Variants in DSCAM observed in about 807,000 individuals in gnomAD.
DSCAM encodes the protein cell adhesion molecule DSCAM.
DSCAM carries 47 observed loss-of-function variants against 217.7 expected under a neutral mutation model. The observed-to-expected ratio is 0.22, with a 90% confidence interval of 0.17 to 0.28. The LOEUF (loss-of-function observed/expected upper bound fraction) is 0.28. Ranked by LOEUF, DSCAM falls within the 10% of genes least tolerant of loss-of-function variation. The probability of loss-of-function intolerance (pLI) is 1.00; values close to 1 mark genes in which losing one functional copy is unlikely to be tolerated. For missense variants in DSCAM, 2,080 were observed against 2,618.3 expected, an observed-to-expected ratio of 0.79 and a Z score of 4.49; for synonymous variants, 1,056 against 1,015.3, an observed-to-expected ratio of 1.04 and a Z score of -0.76.
At chr21:40,069,386 G>C (rs1028070484) in intron 27 of DSCAM, among the ~76,000 whole-genome samples, 1 of 152,198 alleles carries the variant, frequency 6.6e-6, no homozygotes, top group African/African-American at 2.4e-5. Flanking sequence ...GTTGTGCCTG[G>C]CATGAAGGTG....
At chr21:40,058,060 G>A (rs1207536455) in intron 28 of DSCAM, among the ~76,000 whole-genome samples, 15 of 151,880 alleles carry the variant, frequency 9.9e-5, no homozygotes, top group Admixed American at 9.8e-4. Context: ...TTTTAGTAGA[G>A]ACCGGGTTTC....
At chr21:40,294,430 T>G (rs890424791) in intron 10 of DSCAM, among the ~76,000 whole-genome samples, 16 of 152,224 alleles carry the variant, frequency 1.1e-4, no homozygotes, top group Admixed American at 2.0e-4. Context: ...AAATGTTATC[T>G]AGTTGGTGAG....
Position 40,249,547 on chromosome 21 carries a change from C to T in DSCAM, c.2356+26550G>A, listed in dbSNP as rs555440799. On this transcript the variant is annotated intron_variant, in intron 11 of 32. Coordinates refer to ENST00000400454, the MANE Select transcript of DSCAM (RefSeq NM_001389.5). ...CTTTATTAGCAGCATGAAAACAAAACGATACATTAGCGTAGAAATATATTC... is the reference window on the plus strand; with the variant it reads ...CTTTATTAGCAGCATGAAAACAAAATGATACATTAGCGTAGAAATATATTC... Among the ~76,000 whole-genome samples, 94 of 152,212 alleles carry T rather than the reference C, an allele frequency of 6.2e-4. 1 individual carries two copies. Among genetic ancestry groups the T allele is most frequent in the African/African-American group, 2.0e-3 (84 of 41,524 alleles).
intron 11 of DSCAM, among the ~76,000 whole-genome samples, chr21:40,273,948 T>TCA (rs2073654072): frequency 6.6e-6 from 1 of 152,194 alleles, no homozygotes; most frequent in Non-Finnish European, 1.5e-5. Context: ...CGGTAAGATT[T>TCA]CAACATATGG....
chr21:40,169,524 C>T (rs183001837), intron 15 of DSCAM, among the ~76,000 whole-genome samples: 15 of 152,196 alleles, frequency 9.9e-5, no homozygotes, highest in African/African-American at 3.4e-4. Flanking sequence ...GCTCCGTCCT[C>T]GCACTGAGGA....
At chr21:40,718,140 C>G (rs2090862174) in intron 1 of DSCAM, among the ~76,000 whole-genome samples, 1 of 152,146 alleles carries the variant, frequency 6.6e-6, no homozygotes, top group Admixed American at 6.5e-5. Flanking sequence ...CACAGTTACA[C>G]TATTACAAAG....
intron 23 of DSCAM, among the ~76,000 whole-genome samples, chr21:40,085,185 A>C (rs2089515359): frequency 6.6e-6 from 1 of 152,230 alleles, no homozygotes; most frequent in African/African-American, 2.4e-5. Context: ...ATTTTTTAAA[A>C]TACATTGCAT....
At chr21:40,801,000 G>A (rs538897809) in intron 1 of DSCAM, among the ~76,000 whole-genome samples, 2 of 148,950 alleles carry the variant, frequency 1.3e-5, no homozygotes, top group East Asian at 3.9e-4. Flanking sequence ...CACCCAGGCT[G>A]GAGTGCAGTG....
chr21:40,344,295 T>C (rs2074534438), intron 6 of DSCAM, among the ~76,000 whole-genome samples: 1 of 152,248 alleles, frequency 6.6e-6, no homozygotes, highest in African/African-American at 2.4e-5. Context: ...ATATTTACCA[T>C]TTCTCATGGT....
intron 3 of DSCAM, among the ~76,000 whole-genome samples, chr21:40,386,929 C>A (rs2075091462): frequency 6.6e-6 from 1 of 152,100 alleles, no homozygotes; most frequent in African/African-American, 2.4e-5. Context: ...TCATTTCTCT[C>A]ATGAAATGTA....
At chr21:40,796,800 G>A (rs1408646083) in intron 1 of DSCAM, among the ~76,000 whole-genome samples, 1 of 152,068 alleles carries the variant, frequency 6.6e-6, no homozygotes. Flanking sequence ...GGTCATGGAC[G>A]CATATGCTTC....
At chr21:40,814,567 T>C (rs1296961526) in intron 1 of DSCAM, among the ~76,000 whole-genome samples, 1 of 152,240 alleles carries the variant, frequency 6.6e-6, no homozygotes. Flanking sequence ...GTCTCTACCG[T>C]GGTGATGCTA....
chr21:40,253,571 G>A (rs1027928837), intron 11 of DSCAM, among the ~76,000 whole-genome samples: 4 of 152,158 alleles, frequency 2.6e-5, no homozygotes, highest in African/African-American at 7.2e-5. Context: ...GAGAGGAGGG[G>A]GACATTCAGC....
At chr21:40,667,427 C>T (rs34513174) in intron 3 of DSCAM, among the ~76,000 whole-genome samples, 2 of 152,058 alleles carry the variant, frequency 1.3e-5, no homozygotes, top group African/African-American at 4.8e-5. Flanking sequence ...AAAATAAATA[C>T]TTGCATATTT....
chr21:40,668,079 G>A (rs970609599), intron 3 of DSCAM, among the ~76,000 whole-genome samples: 4 of 152,194 alleles, frequency 2.6e-5, no homozygotes, highest in Non-Finnish European at 5.9e-5. Context: ...CATGTTTAGA[G>A]ATACCAAATA....
intron 3 of DSCAM, among the ~76,000 whole-genome samples, chr21:40,669,054 A>G (rs925531411): frequency 2.0e-5 from 3 of 152,186 alleles, no homozygotes; most frequent in Admixed American, 2.0e-4. Flanking sequence ...TCATAGCTAT[A>G]TTCACAAAGC....
chr21:40,429,149 T>A (rs2075505495), intron 3 of DSCAM, among the ~76,000 whole-genome samples: 1 of 152,196 alleles, frequency 6.6e-6, no homozygotes, highest in African/African-American at 2.4e-5. Flanking sequence ...TATAATAATG[T>A]TTTTCATTGC....
intron 3 of DSCAM, among the ~76,000 whole-genome samples, chr21:40,652,968 C>T (rs931130663): frequency 4.6e-5 from 7 of 152,066 alleles, no homozygotes; most frequent in Non-Finnish European, 1.0e-4. Context: ...ACCCTGGACA[C>T]CAAGGCTTGT....
chr21:40,701,946 A>C (rs2090661014), intron 2 of DSCAM, among the ~76,000 whole-genome samples: 1 of 152,164 alleles, frequency 6.6e-6, no homozygotes, highest in Non-Finnish European at 1.5e-5. Context: ...ATTACATCAA[A>C]TTGATTGATA....
Sources: gnomAD v4.1 joint callset for allele counts (sites outside exome capture counted in the v4.1 genomes callset) on GRCh38, gnomAD v4.1.1 for gene constraint, MANE v1.5 for transcripts, NCBI Gene and HGNC (gene_info 2026-07-23, HGNC 2026-07-21) for gene names.